Variants in SCN10A observed in about 807,000 individuals in gnomAD.
SCN10A encodes the protein sodium channel protein type 10 subunit alpha.
In SCN10A, 162 loss-of-function variants were observed where a neutral mutation model predicts 170.7. The observed-to-expected ratio is 0.95, with a 90% confidence interval of 0.84 to 1.08. The LOEUF is 1.08. SCN10A is among the 50% of genes least tolerant of loss of function. The pLI, the probability that SCN10A is intolerant of heterozygous loss-of-function variation, is 0.00. For missense variants in SCN10A, 2,527 were observed against 2,436.9 expected, an observed-to-expected ratio of 1.04 and a Z score of -0.78; for synonymous variants, 985 against 904.6, an observed-to-expected ratio of 1.09 and a Z score of -1.59.
intron 24 of SCN10A, 83 bp downstream of exon 24, chr3:38,710,761 A>G: frequency 7.5e-7 from 1 of 1,337,888 alleles, no homozygotes; most frequent in Non-Finnish European, 1.1e-6. Context: ...TACCAGGGTC[A>G]TCGTCACTTC....
Position 38,697,759 on chromosome 3 carries a change from G to T in SCN10A, c.5461C>A (p.Leu1821Met). 6.2e-7 allele frequency: 1 copy of T among 1,614,140 alleles called. No individual in the cohort carries two copies. The highest frequency in any genetic ancestry group is 8.5e-7 in the Non-Finnish European group (1 of 1,180,028). ...AACTTCTCCTCCATATTTGCCTTCA[G>T]AGAATCCAACTCCCCGGATTCTCCT... is the stretch of plus-strand genomic sequence containing the variant. Reference protein sequence around the residue: ...VLGESGELDSLKANMEEKFMA... With the variant: ...VLGESGELDSMKANMEEKFMA... Residue 1821 changes from leucine to methionine, a missense_variant, in exon 28 of 28, where the codon CTG becomes ATG. Physicochemically the swap from Leu to Met is conservative, Grantham distance 15. Transcript: ENST00000449082.
intron 15 of SCN10A, among the ~76,000 whole-genome samples, chr3:38,735,506 T>C (rs891670153): frequency 6.6e-6 from 1 of 152,236 alleles, no homozygotes; most frequent in East Asian, 1.9e-4. Context: ...CAAATTGACC[T>C]ATCAATTACA....
intron 14 of SCN10A, among the ~76,000 whole-genome samples, chr3:38,739,972 TATC>T (rs2063614231): frequency 1.3e-5 from 2 of 152,188 alleles, no homozygotes; most frequent in African/African-American, 4.8e-5. Flanking sequence ...ATTATTATAA[TATC>T]ATTTTGTCAG....
At chr3:38,711,164 T>C (rs912715844) in intron 23 of SCN10A, among the ~76,000 whole-genome samples, 2 of 152,224 alleles carry the variant, frequency 1.3e-5, no homozygotes, top group African/African-American at 2.4e-5. Context: ...ACTGAGTGTC[T>C]AGGTGTCTGG....
At chr3:38,762,963 C>T (rs1339402907) in intron 6 of SCN10A, among the ~76,000 whole-genome samples, 2 of 152,182 alleles carry the variant, frequency 1.3e-5, no homozygotes, top group Non-Finnish European at 1.5e-5. Context: ...CGCTGGGCTA[C>T]TGGTGACAGT....
At chr3:38,802,169 A>T (rs778715643) in intron 1 of SCN10A, among the ~76,000 whole-genome samples, 22 of 152,150 alleles carry the variant, frequency 1.4e-4, no homozygotes, top group Non-Finnish European at 2.8e-4. Flanking sequence ...CAGTACACGA[A>T]CTATAGGTCC....
chr3:38,703,601 C>T (rs1227547170), intron 26 of SCN10A, among the ~76,000 whole-genome samples: 1 of 152,242 alleles, frequency 6.6e-6, no homozygotes, highest in Non-Finnish European at 1.5e-5. Flanking sequence ...TAGTACCCTT[C>T]TACCTTGAAA....
chr3:38,752,735 G>C (rs1426780976), intron 11 of SCN10A, among the ~76,000 whole-genome samples: 2 of 152,232 alleles, frequency 1.3e-5, no homozygotes, highest in Non-Finnish European at 1.5e-5. Flanking sequence ...GGAGAGAGGA[G>C]AGATTACAGC....
intron 27 of SCN10A, among the ~76,000 whole-genome samples, chr3:38,700,141 C>G (rs1200177440): frequency 6.6e-6 from 1 of 152,146 alleles, no homozygotes; most frequent in Non-Finnish European, 1.5e-5. Context: ...AACTAACCAA[C>G]CAACCAACAA....
chr3:38,810,510 G>A lies in SCN10A; in HGVS notation c.-33+5527C>T, dbSNP rs549177244. ...TCTCCTTTTAGGCTAAAGCTTAAAT[G>A]TCACTTCATCAGGGAGGCCTTTCTT... On this transcript the variant is annotated intron_variant, in intron 1 of 27. Coordinates refer to ENST00000449082, the MANE Select transcript of SCN10A (RefSeq NM_006514.4). Among the ~76,000 whole-genome samples, 4 of 152,320 alleles carry A rather than the reference G, an allele frequency of 2.6e-5. No homozygotes were observed. In the South Asian group the frequency reaches 8.3e-4, roughly 32 times the overall value.
At chr3:38,736,885 C>G (rs934169727) in intron 15 of SCN10A, among the ~76,000 whole-genome samples, 7 of 148,522 alleles carry the variant, frequency 4.7e-5, no homozygotes, top group Non-Finnish European at 1.0e-4. Flanking sequence ...GGACTTTAGA[C>G]TGTGGGATCA....
chr3:38,718,458 T>C (rs2063354726), intron 21 of SCN10A, among the ~76,000 whole-genome samples, 195 bp downstream of exon 21: 1 of 152,252 alleles, frequency 6.6e-6, no homozygotes, highest in African/African-American at 2.4e-5. Flanking sequence ...GTCACTATTG[T>C]GTCACAGTCA....
At chr3:38,743,997 T>C (rs2063660860) in intron 13 of SCN10A, among the ~76,000 whole-genome samples, 1 of 152,212 alleles carries the variant, frequency 6.6e-6, no homozygotes, top group South Asian at 2.1e-4. Flanking sequence ...CGGCAAGACA[T>C]GCATCTTGAA....
At chr3:38,791,722 C>T (rs1013495461) in intron 3 of SCN10A, among the ~76,000 whole-genome samples, 3 of 152,142 alleles carry the variant, frequency 2.0e-5, no homozygotes, top group African/African-American at 4.8e-5. Flanking sequence ...GACCACACAC[C>T]GTGGTGAGAA....
chr3:38,729,008 C>A, intron 15 of SCN10A, 107 bp from the exon 16 acceptor site: 1 of 1,419,964 alleles, frequency 7.0e-7, no homozygotes, highest in South Asian at 1.5e-5. Context: ...GGCCTCTCAT[C>A]CCATTAAACC....
chr3:38,743,068 A>G lies in SCN10A; in HGVS notation c.1868-539T>C, dbSNP rs2063651408. 2.0e-5 allele frequency among the ~76,000 whole-genome samples: 3 copies of G among 152,010 alleles called. No homozygotes were observed. The South Asian group carries it at 6.2e-4, about 32-fold the overall frequency. On this transcript the variant is annotated intron_variant, in intron 13 of 27. Coordinates refer to ENST00000449082, the MANE Select transcript of SCN10A (RefSeq NM_006514.4). The stretch of plus-strand genomic sequence containing the variant: ...TGGCTGTGTTTCTATATTATATTCC[A>G]TTCCTTCATTCTTCCAGATGACTGT...
intron 5 of SCN10A, 101 bp downstream of exon 5, chr3:38,771,178 A>G (rs1478663279): frequency 7.5e-7 from 1 of 1,340,938 alleles, no homozygotes; most frequent in Non-Finnish European, 1.0e-6. Context: ...GTGAGTCTCC[A>G]CACTCTGTCC....
chr3:38,730,255 G>A (rs2063501065), intron 15 of SCN10A, among the ~76,000 whole-genome samples: 1 of 152,144 alleles, frequency 6.6e-6, no homozygotes. Flanking sequence ...AGCTACAGGA[G>A]GAAAATTGAC....
intron 6 of SCN10A, 106 bp downstream of exon 6, chr3:38,763,399 G>A (rs1319931328): frequency 1.5e-5 from 13 of 863,142 alleles, no homozygotes; most frequent in Non-Finnish European, 2.5e-5. Flanking sequence ...TGTCTTGTAA[G>A]TGGGGACAAT....
Sources: gnomAD v4.1 joint callset for allele counts (sites outside exome capture counted in the v4.1 genomes callset) on GRCh38, gnomAD v4.1.1 for gene constraint, MANE v1.5 for transcripts, NCBI Gene and HGNC (gene_info 2026-07-23, HGNC 2026-07-21) for gene names.